INPP5A: variants seen among roughly 807,000 people sequenced by gnomAD.
INPP5A encodes 43 kDa inositol polyphosphate 5-phophatase.
A neutral mutation model predicts 65.2 loss-of-function variants in INPP5A; 14 were observed. That is an observed-to-expected ratio of 0.21 (90% CI 0.14 to 0.34). INPP5A has a LOEUF of 0.34. Among genes scored for constraint, INPP5A ranks in the 10% least tolerant of loss-of-function variants. The pLI is 1.00. For synonymous variants in INPP5A, 207 were observed against 208.3 expected (o/e 0.99, Z 0.05); for missense variants, 431 against 545.6 (o/e 0.79, Z 2.09).
intron 8 of INPP5A, among the ~76,000 whole-genome samples, chr10:132,718,982 G>T (rs1348032939): frequency 6.8e-6 from 1 of 148,148 alleles, no homozygotes; most frequent in East Asian, 2.0e-4. Context: ...GGGTTCTGTG[G>T]TACCTGGGTT....
intron 9 of INPP5A, among the ~76,000 whole-genome samples, chr10:132,728,681 G>A (rs1406416606): frequency 6.6e-6 from 1 of 152,264 alleles, no homozygotes; most frequent in East Asian, 1.9e-4. Flanking sequence ...GACCAAAGCC[G>A]ATCAATCCCG....
At chr10:132,657,256 C>A (rs2072669220) in intron 4 of INPP5A, among the ~76,000 whole-genome samples, 6 of 152,256 alleles carry the variant, frequency 3.9e-5, no homozygotes, top group Admixed American at 3.9e-4. Flanking sequence ...CCTCTCCCAC[C>A]CGCTAGCGCT....
intron 12 of INPP5A, among the ~76,000 whole-genome samples, chr10:132,766,937 G>A (rs909179312): frequency 6.9e-6 from 1 of 144,364 alleles, no homozygotes; most frequent in African/African-American, 2.6e-5. Context: ...CGGAGGTGCG[G>A]CCTCAGGGAG....
chr10:132,685,385 A>T (rs1402807341), intron 4 of INPP5A, among the ~76,000 whole-genome samples: 1 of 152,258 alleles, frequency 6.6e-6, no homozygotes, highest in Non-Finnish European at 1.5e-5. Flanking sequence ...CTGGGGCCTC[A>T]CATGGGCACT....
At chr10:132,595,759 C>T in intron 1 of INPP5A, among the ~76,000 whole-genome samples, 1 of 152,136 alleles carries the variant, frequency 6.6e-6, no homozygotes, top group Non-Finnish European at 1.5e-5. Flanking sequence ...TATTTTTCTG[C>T]AGTATTCTAA....
At chr10:132,604,851 C>T (rs1328941905) in intron 1 of INPP5A, among the ~76,000 whole-genome samples, 1 of 152,156 alleles carries the variant, frequency 6.6e-6, no homozygotes, top group Non-Finnish European at 1.5e-5. Flanking sequence ...TGCCAGTCTG[C>T]AAAGAGAGAG....
intron 7 of INPP5A, among the ~76,000 whole-genome samples, chr10:132,709,076 C>T (rs1256252662): frequency 1.3e-5 from 2 of 151,680 alleles, no homozygotes; most frequent in Non-Finnish European, 2.9e-5. Context: ...CTGTGAGTGT[C>T]TCAGGACCCA....
intron 6 of INPP5A, among the ~76,000 whole-genome samples, chr10:132,703,636 G>A (rs1254830913): frequency 3.7e-5 from 3 of 80,094 alleles, no homozygotes; most frequent in Non-Finnish European, 7.0e-5. Flanking sequence ...CAACACACGC[G>A]CACCTTCATC....
intron 8 of INPP5A, among the ~76,000 whole-genome samples, chr10:132,713,472 A>G (rs7068364): frequency 0.025 from 3,760 of 152,184 alleles, 145 homozygotes; most frequent in African/African-American, 0.085. Context: ...GCTCTGCACA[A>G]GGAGTCTGGG....
At chr10:132,720,110 A>T (rs1420720330) in intron 8 of INPP5A, among the ~76,000 whole-genome samples, 2 of 108,726 alleles carry the variant, frequency 1.8e-5, no homozygotes, top group Non-Finnish European at 1.9e-5. Flanking sequence ...GTTCTGTGGT[A>T]CCTGGGTTCT....
rs1847007006 is a variant in INPP5A at position 132,774,311 on chromosome 10, T to C, written c.978-3360T>C. On this transcript the variant is annotated intron_variant, in intron 12 of 15. Transcript: ENST00000368594. ...GTGACGGGGGTGTGTCAGAACCGTT[T>C]TCTCTGTAGTGTGCTGCACCCTCCT... Among the ~76,000 whole-genome samples, 5 of 152,166 alleles carry C rather than the reference T, an allele frequency of 3.3e-5. No homozygotes were observed. The South Asian group carries it at 1.0e-3, about 32-fold the overall frequency.
chr10:132,760,009 C>A (rs11146508), intron 11 of INPP5A, among the ~76,000 whole-genome samples: 1 of 152,232 alleles, frequency 6.6e-6, no homozygotes, highest in African/African-American at 2.4e-5. Flanking sequence ...ACGCCGTGGA[C>A]CCTGGCGGCC....
chr10:132,702,519 A>G (rs1329429420), intron 6 of INPP5A, among the ~76,000 whole-genome samples: 1 of 152,232 alleles, frequency 6.6e-6, no homozygotes, highest in Non-Finnish European at 1.5e-5. Context: ...TTCCATTTTT[A>G]ATGGAAGTAA....
intron 11 of INPP5A, among the ~76,000 whole-genome samples, chr10:132,764,407 C>A (rs553804308): frequency 6.6e-6 from 1 of 151,504 alleles, no homozygotes; most frequent in South Asian, 2.1e-4. Flanking sequence ...TGGTGACACT[C>A]AGGAACACGG....
chr10:132,647,671 G>C (rs577975892), intron 3 of INPP5A, among the ~76,000 whole-genome samples: 2 of 152,098 alleles, frequency 1.3e-5, no homozygotes, highest in South Asian at 4.1e-4. Flanking sequence ...GAGCGGAGTC[G>C]AGGCCCCACC....
chr10:132,676,597 G>A lies in INPP5A; in HGVS notation c.307-13795G>A, dbSNP rs981071349. The stretch of plus-strand genomic sequence containing the variant: ...GTGGGACAGGGCTGCCCAAACCGCC[G>A]CTGGCCTACAGACTGCTGTCCCGGC... On this transcript the variant is annotated intron_variant, in intron 4 of 15. Coordinates refer to ENST00000368594, the MANE Select transcript of INPP5A (RefSeq NM_005539.5). This position sits in a 1 kb window ranked among gnomAD's most constrained non-coding sequence, Gnocchi z 4.0. Among the ~76,000 whole-genome samples the A allele has an allele frequency of 2.0e-5, 3 of 152,140 alleles. No individual in the cohort carries two copies. The highest frequency in any genetic ancestry group is 2.9e-5 in the Non-Finnish European group (2 of 68,024).
At position 132,697,448 on chromosome 10, in the gene INPP5A, C is replaced by A. The variant is rs1249513930; in HGVS notation, c.371-368C>A. 6.6e-6 allele frequency among the ~76,000 whole-genome samples: 1 copy of A among 152,212 alleles called. No homozygotes were observed. The highest frequency in any genetic ancestry group is 1.5e-5 in the Non-Finnish European group (1 of 68,036). On this transcript the variant is annotated intron_variant, in intron 5 of 15. Coordinates refer to ENST00000368594, the MANE Select transcript of INPP5A (RefSeq NM_005539.5). This position sits in a 1 kb window ranked among gnomAD's most constrained non-coding sequence, Gnocchi z 5.6. Reference sequence around the variant, plus strand: ...TGGAGGCTGGATACGGGGAGGAAATCGATGTTATTAAATAAATTCATGTGA... The same window carrying A: ...TGGAGGCTGGATACGGGGAGGAAATAGATGTTATTAAATAAATTCATGTGA...
intron 12 of INPP5A, among the ~76,000 whole-genome samples, chr10:132,769,206 GCTGT>G (rs1846907022): frequency 6.6e-6 from 1 of 152,262 alleles, no homozygotes; most frequent in African/African-American, 2.4e-5. Context: ...GTAACTGAAT[GCTGT>G]CTGTCATTTT....
intron 6 of INPP5A, among the ~76,000 whole-genome samples, chr10:132,701,821 G>A (rs1290121960): frequency 3.3e-5 from 5 of 152,254 alleles, no homozygotes; most frequent in Admixed American, 6.5e-5. Context: ...GTCGGGAGGC[G>A]GGGACTTCAG....
Sources: gnomAD v4.1 joint callset for allele counts (sites outside exome capture counted in the v4.1 genomes callset) on GRCh38, gnomAD v4.1.1 for gene constraint, Gnocchi (gnomAD v3.1) non-coding constraint, MANE v1.5 for transcripts, NCBI Gene and HGNC (gene_info 2026-07-23, HGNC 2026-07-21) for gene names.